PCDH7: variants seen among roughly 807,000 people sequenced by gnomAD.
PCDH7 encodes the protein protocadherin 7.
In PCDH7, 17 loss-of-function variants were observed where a neutral mutation model predicts 58.9. That is an observed-to-expected ratio of 0.29 (90% CI 0.20 to 0.43). PCDH7 has a LOEUF of 0.43. PCDH7 is among the 20% of genes least tolerant of loss of function. The pLI is 1.00. For synonymous variants in PCDH7, 664 were observed against 616.4 expected (o/e 1.08, Z -1.14); for missense variants, 1,274 against 1,441.0 (o/e 0.88, Z 1.88).
chr4:31,129,399 A>G (rs1347037660), intron 3 of PCDH7, among the ~76,000 whole-genome samples: 1 of 152,138 alleles, frequency 6.6e-6, no homozygotes, highest in Non-Finnish European at 1.5e-5. Flanking sequence ...GAAACACATT[A>G]ATATCATGAA....
intron 3 of PCDH7, among the ~76,000 whole-genome samples, chr4:31,029,316 G>A (rs1754706141): frequency 6.6e-6 from 1 of 152,154 alleles, no homozygotes; most frequent in Admixed American, 6.6e-5. Flanking sequence ...ACTAAAAATA[G>A]TAGCTTGCTT....
At chr4:31,066,614 C>T (rs1758116796) in intron 3 of PCDH7, among the ~76,000 whole-genome samples, 1 of 151,812 alleles carries the variant, frequency 6.6e-6, no homozygotes, top group South Asian at 2.1e-4. Context: ...CTTCACCTCC[C>T]CCTTTGGAAT....
At chr4:31,034,835 G>A (rs1312087609) in intron 3 of PCDH7, among the ~76,000 whole-genome samples, 10 of 152,038 alleles carry the variant, frequency 6.6e-5, no homozygotes, top group Admixed American at 6.6e-4. Context: ...ACTTCAAATA[G>A]GATTGATTTA....
intron 3 of PCDH7, among the ~76,000 whole-genome samples, chr4:30,995,138 G>T (rs181396463): frequency 1.3e-5 from 2 of 152,214 alleles, no homozygotes; most frequent in Non-Finnish European, 2.9e-5. Context: ...TATGTTTGTT[G>T]TTCTTATGTG....
At chr4:30,779,562 G>A (rs560801373) in intron 1 of PCDH7, among the ~76,000 whole-genome samples, 9 of 152,216 alleles carry the variant, frequency 5.9e-5, no homozygotes, top group Admixed American at 3.3e-4. Flanking sequence ...AGAAATTCAC[G>A]TATTATCAAC....
intron 3 of PCDH7, among the ~76,000 whole-genome samples, chr4:31,073,489 G>A (rs1027135078): frequency 6.6e-6 from 1 of 152,050 alleles, no homozygotes; most frequent in East Asian, 1.9e-4. Context: ...TAATTTCAAG[G>A]AAAACAGAAT....
In PCDH7 at chr4:31,117,256, T is replaced by C. The variant is rs60439378; in HGVS notation, c.*8-25217T>C. Among the ~76,000 whole-genome samples, 568 of 152,286 alleles carry C rather than the reference T, an allele frequency of 3.7e-3. 4 individuals are homozygous for C. The highest frequency in any genetic ancestry group is 0.013 in the African/African-American group (529 of 41,560). On this transcript the variant is annotated intron_variant, in intron 3 of 3. Transcript: ENST00000509759. ...TAGGGAAGTTAAAGATGCTCTGGAATCTGTCTTAAGCAAAATGTCAGTAAA... is the reference window on the plus strand; with the variant it reads ...TAGGGAAGTTAAAGATGCTCTGGAACCTGTCTTAAGCAAAATGTCAGTAAA...
chr4:30,961,320 G>A (rs1286238688), intron 3 of PCDH7, among the ~76,000 whole-genome samples: 1 of 151,740 alleles, frequency 6.6e-6, no homozygotes, highest in Admixed American at 6.6e-5. Context: ...CGAGGCGGGT[G>A]GATCATGAAG....
intron 3 of PCDH7, among the ~76,000 whole-genome samples, chr4:31,082,804 A>G (rs1711685434): frequency 6.6e-6 from 1 of 152,164 alleles, no homozygotes; most frequent in South Asian, 2.1e-4. Flanking sequence ...CTAAGGATAA[A>G]AAACTACACA....
rs544478866 is a variant in PCDH7, at chr4:30,871,812, G to A, written c.71-48341G>A. On this transcript the variant is annotated intron_variant, in intron 1 of 3. Transcript: ENST00000509759. ...GAGCCATGGTCACTCTGAGACTCTG[G>A]TAGCAACCTTCGTCACCCCATCCTT... 3.9e-5 allele frequency among the ~76,000 whole-genome samples: 6 copies of A among 152,122 alleles called. No individual in the cohort carries two copies. The East Asian group carries it at 1.2e-3, about 30-fold the overall frequency.
chr4:30,809,508 A>G (rs1348126930), intron 1 of PCDH7, among the ~76,000 whole-genome samples: 1 of 152,186 alleles, frequency 6.6e-6, no homozygotes, highest in Non-Finnish European at 1.5e-5. Context: ...AGAAATGAAG[A>G]ACTTGAAAAT....
rs562911763 is a variant in PCDH7, at chr4:30,722,133, C to T, written c.711C>T (p.Pro237=). The T allele has an allele frequency of 2.0e-5, 29 of 1,444,844 alleles. No individual in the cohort carries two copies. The African/African-American group carries it at 3.3e-4, about 16-fold the overall frequency. 89.5% of individuals were successfully genotyped at this position (1,444,844 alleles called of 1,614,324 possible). A position where few individuals can be genotyped will look rare whatever the true frequency, so the allele number is the denominator to read the frequency against. ...CAGAGGGCGGCGGCGGCACCAACCCCGGCGGCCGCAGCAGCGTGTTCGAGC... is the reference window on the plus strand; with the variant it reads ...CAGAGGGCGGCGGCGGCACCAACCCTGGCGGCCGCAGCAGCGTGTTCGAGC... The change falls in exon 1 of 2, where the codon CCC becomes CCT. Residue 237 remains proline (P), a synonymous_variant. Coordinates refer to ENST00000361762, the Ensembl canonical transcript of PCDH7. The surrounding 1 kb of genome is among the most constrained non-coding windows in gnomAD (Gnocchi z 7.6).
At chr4:30,770,769 C>T (rs1418808577) in intron 1 of PCDH7, among the ~76,000 whole-genome samples, 2 of 151,974 alleles carry the variant, frequency 1.3e-5, no homozygotes, top group African/African-American at 2.4e-5. Context: ...TAATTTTCAC[C>T]GTGTTCCATT....
At chr4:30,868,759 C>G (rs1392245710) in intron 1 of PCDH7, among the ~76,000 whole-genome samples, 4 of 151,906 alleles carry the variant, frequency 2.6e-5, no homozygotes, top group Non-Finnish European at 5.9e-5. Flanking sequence ...ACTGAAGAGC[C>G]CATCCAAAGT....
Position 30,722,697 on chromosome 4 carries a change from C to T in PCDH7, c.1275C>T (p.Leu425=), listed in dbSNP as rs1713866816. Residue 425 remains leucine, a synonymous_variant, in exon 1 of 2, where the codon CTC becomes CTT. Coordinates refer to ENST00000361762, the Ensembl canonical transcript of PCDH7. The surrounding 1 kb of genome is among the most constrained non-coding windows in gnomAD (Gnocchi z 7.6). ...TCCGCAAGATTGGGCGCATCCCCCT[C>T]AAGGACGGGGTGGCCAACGTGGCCG... The T allele has an allele frequency of 6.2e-7, 1 of 1,613,624 alleles. No individual in the cohort carries two copies. The highest frequency in any genetic ancestry group is 8.5e-7 in the Non-Finnish European group (1 of 1,180,026).
At chr4:30,897,262 A>G (rs1193805634) in intron 1 of PCDH7, among the ~76,000 whole-genome samples, 1 of 152,166 alleles carries the variant, frequency 6.6e-6, no homozygotes, top group East Asian at 1.9e-4. Flanking sequence ...CAGAGACTAT[A>G]CAAACATTGA....
intron 3 of PCDH7, among the ~76,000 whole-genome samples, chr4:31,054,883 A>G (rs1295583591): frequency 6.6e-6 from 1 of 152,142 alleles, no homozygotes; most frequent in African/African-American, 2.4e-5. Flanking sequence ...ATTTAAGAAC[A>G]TTTCTTAATG....
At chr4:30,835,221 C>T (rs7682792) in intron 1 of PCDH7, among the ~76,000 whole-genome samples, 39,923 of 151,886 alleles carry the variant, frequency 0.26, 5,968 homozygotes, top group African/African-American at 0.41. Context: ...GGGATCCCAA[C>T]CCCCGGGCCA....
At chr4:30,865,318 C>G (rs1373205791) in intron 1 of PCDH7, among the ~76,000 whole-genome samples, 2 of 151,860 alleles carry the variant, frequency 1.3e-5, no homozygotes, top group African/African-American at 4.8e-5. Context: ...TTGTAGTGTT[C>G]AGGAGAGTGA....
Sources: gnomAD v4.1 joint callset for allele counts (sites outside exome capture counted in the v4.1 genomes callset) on GRCh38, gnomAD v4.1.1 for gene constraint, Gnocchi (gnomAD v3.1) non-coding constraint, MANE v1.5 for transcripts, NCBI Gene and HGNC (gene_info 2026-07-23, HGNC 2026-07-21) for gene names.